The following AGBL4 variants were observed in gnomAD, a reference collection of about 807,000 sequenced individuals.
The protein encoded by AGBL4 is AGBL carboxypeptidase 4.
A neutral mutation model predicts 66.4 loss-of-function variants in AGBL4; 58 were observed. That is an observed-to-expected ratio of 0.87 (90% CI 0.71 to 1.09). The LOEUF (loss-of-function observed/expected upper bound fraction) is 1.09. AGBL4 is among the 50% of genes least tolerant of loss of function. AGBL4 has a pLI of 0.00. For synonymous variants in AGBL4, 234 were observed against 222.9 expected (o/e 1.05, Z -0.44); for missense variants, 579 against 631.0 (o/e 0.92, Z 0.88).
At chr1:48,711,478 T>C (rs186478) in intron 6 of AGBL4, among the ~76,000 whole-genome samples, 133,403 of 152,144 alleles carry the variant, frequency 0.88, 60,959 homozygotes, top group Non-Finnish European at 1. Context: ...ATCAGGGAGA[T>C]AAGCACCAGG....
intron 3 of AGBL4, among the ~76,000 whole-genome samples, chr1:49,671,165 G>A (rs1360762824): frequency 2.0e-5 from 3 of 152,000 alleles, no homozygotes; most frequent in Admixed American, 6.6e-5. Context: ...ACAGAATAGA[G>A]AGCCCGGAAA....
At chr1:49,907,972 C>G (rs2148204405) in intron 1 of AGBL4, among the ~76,000 whole-genome samples, 1 of 151,802 alleles carries the variant, frequency 6.6e-6, no homozygotes, top group South Asian at 2.1e-4. Context: ...AAAATAAAGT[C>G]TTTAATTAAA....
intron 1 of AGBL4, among the ~76,000 whole-genome samples, chr1:49,981,095 G>A (rs1659021038): frequency 6.6e-6 from 1 of 152,132 alleles, no homozygotes; most frequent in Non-Finnish European, 1.5e-5. Context: ...AATGCTTCTG[G>A]AAATTTTAAG....
intron 3 of AGBL4, among the ~76,000 whole-genome samples, chr1:49,355,501 C>A (rs1415225982): frequency 6.6e-6 from 1 of 152,150 alleles, no homozygotes; most frequent in Non-Finnish European, 1.5e-5. Flanking sequence ...AACTGCTCTC[C>A]TTGATTCCAT....
chr1:49,899,708 G>C (rs748990561), intron 1 of AGBL4, among the ~76,000 whole-genome samples: 1 of 152,022 alleles, frequency 6.6e-6, no homozygotes, highest in Non-Finnish European at 1.5e-5. Flanking sequence ...GTGACTCCTG[G>C]TTTATTTAAT....
At chr1:49,168,362 A>G (rs867753348) in intron 4 of AGBL4, among the ~76,000 whole-genome samples, 1 of 152,350 alleles carries the variant, frequency 6.6e-6, no homozygotes, top group Middle Eastern at 3.4e-3. Context: ...TTAGAGAAAT[A>G]GTCCAGATGA....
At chr1:49,476,780 C>A (rs1027226691) in intron 3 of AGBL4, among the ~76,000 whole-genome samples, 1 of 152,016 alleles carries the variant, frequency 6.6e-6, no homozygotes, top group Non-Finnish European at 1.5e-5. Context: ...CATCCCTTTA[C>A]CTTATGAGAC....
At chr1:49,962,830 T>A (rs1036045307) in intron 1 of AGBL4, among the ~76,000 whole-genome samples, 1 of 152,132 alleles carries the variant, frequency 6.6e-6, no homozygotes, top group Non-Finnish European at 1.5e-5. Flanking sequence ...TATAAGATCT[T>A]CTAGTCTAAC....
At chr1:49,652,222 T>C (rs1646022021) in intron 3 of AGBL4, among the ~76,000 whole-genome samples, 1 of 152,128 alleles carries the variant, frequency 6.6e-6, no homozygotes, top group Admixed American at 6.6e-5. Flanking sequence ...CCTAATGATG[T>C]ACAGGCATTT....
chr1:49,475,549 A>G (rs1307623278), intron 3 of AGBL4, among the ~76,000 whole-genome samples: 1 of 152,042 alleles, frequency 6.6e-6, no homozygotes, highest in Non-Finnish European at 1.5e-5. Flanking sequence ...CTGTGAATCC[A>G]TCTCGTCCAG....
chr1:48,778,463 A>G (rs910230287), intron 6 of AGBL4, among the ~76,000 whole-genome samples: 4 of 152,234 alleles, frequency 2.6e-5, no homozygotes, highest in Admixed American at 2.0e-4. Context: ...TAATGACAGT[A>G]TAATGAGAAA....
intron 2 of AGBL4, among the ~76,000 whole-genome samples, chr1:49,717,244 T>C (rs1202559223): frequency 6.6e-6 from 1 of 152,060 alleles, no homozygotes; most frequent in African/African-American, 2.4e-5. Flanking sequence ...TGCTTATGGA[T>C]AGGAAGAATC....
intron 6 of AGBL4, among the ~76,000 whole-genome samples, chr1:48,738,635 T>C (rs1169039154): frequency 6.6e-6 from 1 of 152,224 alleles, no homozygotes; most frequent in Admixed American, 6.5e-5. Flanking sequence ...CATTAAATTC[T>C]GAATCAGAAA....
intron 1 of AGBL4, among the ~76,000 whole-genome samples, chr1:49,890,043 T>C (rs1048586259): frequency 1.3e-5 from 2 of 152,130 alleles, no homozygotes; most frequent in African/African-American, 4.8e-5. Flanking sequence ...AAAGTAGAAT[T>C]TGGTGAAAAA....
At chr1:49,561,143 A>G (rs531368085) in intron 3 of AGBL4, among the ~76,000 whole-genome samples, 2 of 152,204 alleles carry the variant, frequency 1.3e-5, no homozygotes, top group South Asian at 4.2e-4. Context: ...AATAATAACT[A>G]CAAAAACTTT....
At chr1:49,191,553 C>T (rs1406451573) in intron 4 of AGBL4, among the ~76,000 whole-genome samples, 1 of 152,086 alleles carries the variant, frequency 6.6e-6, no homozygotes, top group African/African-American at 2.4e-5. Flanking sequence ...ATAAATGATC[C>T]CATCACCCAT....
intron 6 of AGBL4, among the ~76,000 whole-genome samples, chr1:48,719,944 G>C (rs1412122021): frequency 1.3e-5 from 2 of 152,192 alleles, no homozygotes; most frequent in African/African-American, 4.8e-5. Context: ...TCTTGACTTG[G>C]TGATGGCCTA....
intron 5 of AGBL4, among the ~76,000 whole-genome samples, chr1:48,990,078 C>A (rs371469085): frequency 1.3e-5 from 2 of 152,088 alleles, no homozygotes; most frequent in Admixed American, 6.6e-5. Flanking sequence ...GCCATTCTAG[C>A]GGGGGTGAGA....
intron 3 of AGBL4, among the ~76,000 whole-genome samples, chr1:49,350,249 G>C (rs1645724387): frequency 6.7e-6 from 1 of 149,662 alleles, no homozygotes; most frequent in Non-Finnish European, 1.5e-5. Context: ...TGTCGCCCAG[G>C]CTGGAGTGCA....
Sources: allele counts gnomAD v4.1 joint callset (sites outside exome capture counted in the v4.1 genomes callset), GRCh38; gene constraint gnomAD v4.1.1; transcripts MANE v1.5; gene names NCBI Gene and HGNC (gene_info 2026-07-23, HGNC 2026-07-21).